NPFFR1: variants seen among roughly 807,000 people sequenced by gnomAD.
The protein encoded by NPFFR1 is neuropeptide FF receptor 1, also known as G-protein coupled receptor 147.
In NPFFR1, 17 loss-of-function variants were observed where a neutral mutation model predicts 12.7. The observed-to-expected ratio is 1.34, with a 90% confidence interval of 0.92 to 2.01. The LOEUF is 2.01. NPFFR1 is among the 30% of genes most tolerant of loss of function. NPFFR1 has a pLI of 0.00. For missense variants in NPFFR1, 604 were observed against 606.5 expected (o/e 1.00, Z 0.04); for synonymous variants, 296 against 264.5 (o/e 1.12, Z -1.16).
rs1840483224 is a variant in NPFFR1 at position 70,249,035 on chromosome 10, G to A, written c.*5922C>T. On this transcript the variant is annotated 3_prime_UTR_variant, in exon 4 of 4. Transcript: ENST00000277942. Reference sequence around the variant, plus strand: ...TCACAGAGGCCATTCCTAACCATCTGTTCAAATAGCCCTCCTACTTCTATC... The same window carrying A: ...TCACAGAGGCCATTCCTAACCATCTATTCAAATAGCCCTCCTACTTCTATC... The A allele has an allele frequency of 6.6e-6, 1 of 152,100 alleles. No homozygotes were observed. Among genetic ancestry groups the A allele is most frequent in the African/African-American group, 2.4e-5 (1 of 41,414 alleles). 9.4% of individuals were successfully genotyped at this position (152,100 alleles called of 1,614,324 possible).
Position 70,266,216 on chromosome 10 carries a change from G to T in NPFFR1, c.183C>A (p.Asn61Lys), listed in dbSNP as rs766566941. 2 of 1,614,032 alleles carry T rather than the reference G, an allele frequency of 1.2e-6. No individual in the cohort carries two copies. Among genetic ancestry groups the T allele is most frequent in the South Asian group, 2.2e-5 (2 of 91,086 alleles). The change falls in exon 2 of 4, where the codon AAC becomes AAA. Residue 61 changes from asparagine to lysine, a missense_variant. Asn to Lys is a moderately conservative substitution (Grantham distance 94, BLOSUM62 0). Transcript: ENST00000277942. ...TGAGCACGATGAAACAGACCAGGGT[G>T]TTGCCCACCATGCAGAGCAGGAAGA... The part of the protein sequence containing the change: ...ALIFLLCMVG[N>K]TLVCFIVLKN...
At chr10:70,268,344 A>G (rs182913330) in intron 1 of NPFFR1, among the ~76,000 whole-genome samples, 91 of 152,386 alleles carry the variant, frequency 6.0e-4, no homozygotes, top group Non-Finnish European at 9.7e-4. Context: ...ATATCATTAA[A>G]TAGCCAGCAT....
chr10:70,255,961 T>C lies in NPFFR1; in HGVS notation c.423-134A>G, dbSNP rs976550734. 3.3e-5 allele frequency: 30 copies of C among 903,434 alleles called. No homozygotes were observed. The highest frequency in any genetic ancestry group is 3.5e-4 in the Middle Eastern group (1 of 2,858). 56.0% of individuals were successfully genotyped at this position (903,434 alleles called of 1,614,324 possible). ...CGTCGAAGAACAGCTCAGACCTGAA[T>C]TGGCTGAGTAGTCAAAGAACAAAGG... On this transcript the variant is annotated intron_variant, in intron 3 of 3. Coordinates refer to ENST00000277942, the MANE Select transcript of NPFFR1 (RefSeq NM_022146.5). This position sits in a 1 kb window ranked among gnomAD's most constrained non-coding sequence, Gnocchi z 4.2.
rs2394679 is a variant in NPFFR1 at position 70,250,155 on chromosome 10, C to T, written c.*4802G>A. On this transcript the variant is annotated 3_prime_UTR_variant, in exon 4 of 4. Coordinates refer to ENST00000277942, the MANE Select transcript of NPFFR1 (RefSeq NM_022146.5). The stretch of plus-strand genomic sequence containing the variant: ...TGAACTCCTGACCTCAGGTGATCTA[C>T]GCACCTCAGCCTCCCAAAGTGCTGG... 0.16 allele frequency: 25,057 copies of T among 152,082 alleles called. 2,277 individuals carry two copies. Among genetic ancestry groups the T allele is most frequent in the Middle Eastern group, 0.22 (64 of 296 alleles). The allele number at this position is 152,082 out of a possible 1,614,324, so 9.4% of individuals were successfully genotyped here.
At chr10:70,273,239 G>C (rs977255943) in intron 1 of NPFFR1, among the ~76,000 whole-genome samples, 1 of 151,986 alleles carries the variant, frequency 6.6e-6, no homozygotes, top group Non-Finnish European at 1.5e-5. Context: ...TCAGGCACTG[G>C]TATTTTTCAA....
At chr10:70,278,068 G>C (rs917351667) in intron 1 of NPFFR1, 1 of 492,758 alleles carries the variant, frequency 2.0e-6, no homozygotes, top group Admixed American at 2.1e-5. Flanking sequence ...ATGGGAACTG[G>C]TGAGGAGACA....
intron 1 of NPFFR1, among the ~76,000 whole-genome samples, chr10:70,277,533 G>T (rs1406120552): frequency 6.6e-6 from 1 of 152,210 alleles, no homozygotes; most frequent in Non-Finnish European, 1.5e-5. Context: ...GATCTACTGT[G>T]TCCTGTGCTG....
rs550571382 is a variant in NPFFR1 at position 70,264,071 on chromosome 10, T to C, written c.322+2006A>G. ...CTGCGCTCCAGCCTGGATGACAGAG[T>C]GAGACTGTCTCAAAAAAAAGAGGCC... is the stretch of plus-strand genomic sequence containing the variant. On this transcript the variant is annotated intron_variant, in intron 2 of 3. Coordinates refer to ENST00000277942, the MANE Select transcript of NPFFR1 (RefSeq NM_022146.5). Among the ~76,000 whole-genome samples the C allele has an allele frequency of 2.0e-5, 3 of 147,720 alleles. No individual in the cohort carries two copies. In the East Asian group the frequency reaches 6.1e-4, roughly 30 times the overall value.
At chr10:70,272,245 A>AGAGAG (rs1554833503) in intron 1 of NPFFR1, among the ~76,000 whole-genome samples, 1 of 20,604 alleles carries the variant, frequency 4.9e-5, no homozygotes, top group African/African-American at 1.5e-4. Flanking sequence ...AGAAAGAAAG[A>AGAGAG]AGAAAGAAGA....
intron 2 of NPFFR1, among the ~76,000 whole-genome samples, chr10:70,262,781 A>T (rs545123228): frequency 5.9e-5 from 9 of 152,324 alleles, no homozygotes; most frequent in African/African-American, 2.2e-4. Context: ...TTCTGTTAGT[A>T]TACGTATATT....
intron 1 of NPFFR1, among the ~76,000 whole-genome samples, chr10:70,283,397 C>T (rs564316938): frequency 6.6e-6 from 1 of 151,634 alleles, no homozygotes; most frequent in African/African-American, 2.4e-5. Context: ...ATACAGAGCA[C>T]CCCCAGGTCT....
rs1840559155 is a variant in NPFFR1 at position 70,255,571 on chromosome 10, C to G, written c.679G>C (p.Ala227Pro). The change falls in exon 4 of 4, where the codon GCG becomes CCG. Residue 227 changes from alanine to proline, a missense_variant. Physicochemically the swap from Ala to Pro is conservative, Grantham distance 27 (BLOSUM62 -1). Transcript: ENST00000277942. This position sits in a 1 kb window ranked among gnomAD's most constrained non-coding sequence, Gnocchi z 4.2. ...TTVLFSHIYL[A>P]PLALIVVMYA... is the part of the protein sequence containing the mutation. ...ATGACCACGATGAGCGCCAGCGGCG[C>G]CAGGTAGATGTGCGAGAAGAGCACA... is the stretch of plus-strand genomic sequence containing the variant. The G allele has an allele frequency of 1.9e-6, 3 of 1,551,476 alleles. No homozygotes were observed. The East Asian group carries it at 7.3e-5, about 38-fold the overall frequency.
chr10:70,268,538 G>A (rs751174631), intron 1 of NPFFR1, among the ~76,000 whole-genome samples: 26 of 152,094 alleles, frequency 1.7e-4, no homozygotes, highest in Non-Finnish European at 3.2e-4. Flanking sequence ...TGGGACTCTC[G>A]TGCAGCTGCT....
At chr10:70,272,316 G>T (rs951640411) in intron 1 of NPFFR1, among the ~76,000 whole-genome samples, 2 of 152,124 alleles carry the variant, frequency 1.3e-5, no homozygotes, top group African/African-American at 4.8e-5. Context: ...AATCAGTCTG[G>T]GTGTTTCCCT....
rs1365154693 is a variant in NPFFR1, at chr10:70,250,395, C to T, written c.*4562G>A. 6.6e-6 allele frequency: 1 copy of T among 152,104 alleles called. No homozygotes were observed. The highest frequency in any genetic ancestry group is 1.9e-4 in the East Asian group (1 of 5,200). 9.4% of individuals were successfully genotyped at this position (152,104 alleles called of 1,614,324 possible). A position where few individuals can be genotyped will look rare whatever the true frequency, so the allele number is the denominator to read the frequency against. ...TACCAATCTCGATCCTAGGTATCTA[C>T]CCAAGAAAAATGGAAAACATACATA... On this transcript the variant is annotated 3_prime_UTR_variant, in exon 4 of 4. Transcript: ENST00000277942.
chr10:70,275,345 T>C (rs1306219179), intron 1 of NPFFR1, among the ~76,000 whole-genome samples: 2 of 152,202 alleles, frequency 1.3e-5, no homozygotes, highest in Non-Finnish European at 2.9e-5. Flanking sequence ...GCCTGTACTC[T>C]CAGTCTATTT....
chr10:70,255,837 G>T lies in NPFFR1; in HGVS notation c.423-10C>A. The T allele has an allele frequency of 6.2e-7, 1 of 1,601,010 alleles. No individual in the cohort carries two copies. Among genetic ancestry groups the T allele is most frequent in the Non-Finnish European group, 8.5e-7 (1 of 1,173,652 alleles). ...CACGATGCAGCGGAACCTGCCGCGG[G>T]GAGAGAGACAGGCGGGATCTGGGTG... On this transcript the variant is annotated splice_polypyrimidine_tract_variant and intron_variant, in intron 3 of 3. Transcript: ENST00000277942. This position sits in a 1 kb window ranked among gnomAD's most constrained non-coding sequence, Gnocchi z 4.2.
intron 3 of NPFFR1, among the ~76,000 whole-genome samples, chr10:70,258,304 CA>C (rs35618176): frequency 0.26 from 35,617 of 136,910 alleles, 4,948 homozygotes; most frequent in South Asian, 0.42. Flanking sequence ...ACCTTGTCTC[CA>C]AAAAAAAAAA....
In NPFFR1 at chr10:70,266,069, G is replaced by A. The variant is rs372821600; in HGVS notation, c.322+8C>T. 341 of 1,611,668 alleles carry A rather than the reference G, an allele frequency of 2.1e-4. 3 individuals carry two copies. The East Asian group carries it at 3.5e-3, about 17-fold the overall frequency. ...GGGACACTCCTGCTGCCAACTGCCC[G>A]CACTCACCAGTGATGAGGTTGTCCA... is the stretch of plus-strand genomic sequence containing the variant. On this transcript the variant is annotated splice_region_variant and intron_variant, in intron 2 of 3. Transcript: ENST00000277942.
Sources: gnomAD v4.1 joint callset for allele counts (sites outside exome capture counted in the v4.1 genomes callset) on GRCh38, gnomAD v4.1.1 for gene constraint, Gnocchi (gnomAD v3.1) non-coding constraint, MANE v1.5 for transcripts, NCBI Gene and HGNC (gene_info 2026-07-23, HGNC 2026-07-21) for gene names.